Variants in WNT3A observed in about 807,000 individuals in gnomAD.
WNT3A encodes the protein Wnt family member 3A, also known as protein Wnt-3a.
A neutral mutation model predicts 37.0 loss-of-function variants in WNT3A; 17 were observed. The observed-to-expected ratio is 0.46, with a 90% confidence interval of 0.31 to 0.69. WNT3A has a LOEUF of 0.69. Among genes scored for constraint, WNT3A ranks in the 30% least tolerant of loss-of-function variants. The pLI, the probability that WNT3A is intolerant of heterozygous loss-of-function variation, is 0.05. For synonymous variants in WNT3A, 187 were observed against 211.0 expected (o/e 0.89, Z 0.99); for missense variants, 411 against 510.2 (o/e 0.81, Z 1.87).
chr1:228,040,928 T>G (rs1247791264), intron 2 of WNT3A, among the ~76,000 whole-genome samples: 3 of 149,132 alleles, frequency 2.0e-5, no homozygotes, highest in Non-Finnish European at 3.0e-5. Context: ...CCTTCCTGTT[T>G]GATGTTCAAA....
chr1:228,060,104 G>A lies in WNT3A; in HGVS notation c.*639G>A. On this transcript the variant is annotated 3_prime_UTR_variant, in exon 4 of 4. Coordinates refer to ENST00000284523, the MANE Select transcript of WNT3A (RefSeq NM_033131.4). Reference sequence around the variant, plus strand: ...GCATAGGCTCCTTCCTGTGGGTGGGGCTTCTCTGGGACCAGGCTCCAATGG... The same window carrying A: ...GCATAGGCTCCTTCCTGTGGGTGGGACTTCTCTGGGACCAGGCTCCAATGG... 2 of 1,278,156 alleles carry A rather than the reference G, an allele frequency of 1.6e-6. No homozygotes were observed. Among genetic ancestry groups the A allele is most frequent in the Non-Finnish European group, 2.0e-6 (2 of 984,482 alleles). 79.2% of individuals were successfully genotyped at this position (1,278,156 alleles called of 1,614,324 possible).
intron 2 of WNT3A, among the ~76,000 whole-genome samples, chr1:228,028,767 G>A (rs2030917618): frequency 2.0e-5 from 3 of 152,318 alleles, no homozygotes. Flanking sequence ...CCATGAGCAT[G>A]GGATGTGTTT....
At chr1:228,052,419 C>T (rs1485826456) in intron 3 of WNT3A, among the ~76,000 whole-genome samples, 1 of 152,204 alleles carries the variant, frequency 6.6e-6, no homozygotes, top group African/African-American at 2.4e-5. Context: ...GCTGTGATTA[C>T]AGGTGTGAGC....
chr1:228,016,341 A>T (rs1004361795), intron 1 of WNT3A, among the ~76,000 whole-genome samples: 4 of 152,082 alleles, frequency 2.6e-5, no homozygotes, highest in Non-Finnish European at 5.9e-5. Flanking sequence ...TCCCTGTGGC[A>T]CTCACGCTCC....
intron 2 of WNT3A, among the ~76,000 whole-genome samples, chr1:228,025,928 T>C (rs187228768): frequency 3.5e-4 from 53 of 151,566 alleles, no homozygotes; most frequent in Non-Finnish European, 6.6e-4. Flanking sequence ...TTTGTATTTT[T>C]TTTTTTTTTT....
intron 2 of WNT3A, among the ~76,000 whole-genome samples, chr1:228,049,947 T>A (rs777752172): frequency 1.6e-4 from 25 of 151,992 alleles, no homozygotes; most frequent in Non-Finnish European, 3.2e-4. Context: ...CTTGCTAATT[T>A]TAACATTTTT....
intron 1 of WNT3A, among the ~76,000 whole-genome samples, chr1:228,009,124 A>G (rs903028646): frequency 6.6e-6 from 1 of 152,020 alleles, no homozygotes; most frequent in Non-Finnish European, 1.5e-5. Flanking sequence ...CCCCACCACC[A>G]CTTTGTTCTC....
At chr1:228,009,574 G>A (rs894096226) in intron 1 of WNT3A, among the ~76,000 whole-genome samples, 1 of 152,096 alleles carries the variant, frequency 6.6e-6, no homozygotes, top group Non-Finnish European at 1.5e-5. Flanking sequence ...AGCAGGCTGG[G>A]GTGGGGGGCC....
chr1:228,058,849 G>A (rs2031733577), intron 3 of WNT3A, 137 bp from the exon 4 acceptor site: 1 of 881,152 alleles, frequency 1.1e-6, no homozygotes, highest in South Asian at 1.7e-5. Context: ...GTGGCCCTGG[G>A]GCCCTGCCTG....
chr1:228,023,075 G>C (rs554827859), intron 2 of WNT3A, among the ~76,000 whole-genome samples, 167 bp downstream of exon 2: 67 of 152,356 alleles, frequency 4.4e-4, no homozygotes, highest in African/African-American at 1.6e-3. Context: ...GCTGAAGCAG[G>C]ACTGAGCCTG....
At chr1:228,033,825 A>G (rs538321319) in intron 2 of WNT3A, among the ~76,000 whole-genome samples, 20 of 152,210 alleles carry the variant, frequency 1.3e-4, no homozygotes, top group African/African-American at 4.8e-4. Context: ...AATTTCTTTC[A>G]TGACATTTTG....
chr1:228,035,605 G>A (rs764759759), intron 2 of WNT3A, among the ~76,000 whole-genome samples: 9 of 152,344 alleles, frequency 5.9e-5, no homozygotes, highest in South Asian at 4.1e-4. Context: ...GGATCTGAGC[G>A]GTCACTGAGA....
intron 2 of WNT3A, among the ~76,000 whole-genome samples, chr1:228,034,665 C>G (rs2031092696): frequency 6.6e-6 from 1 of 152,288 alleles, no homozygotes. Flanking sequence ...TACCATGCAT[C>G]TCTCAATTCT....
In WNT3A at chr1:228,041,070, T is replaced by C. The variant is rs35920626; in HGVS notation, c.314-9586T>C. On this transcript the variant is annotated intron_variant, in intron 2 of 3. Coordinates refer to ENST00000284523, the MANE Select transcript of WNT3A (RefSeq NM_033131.4). ...CTATCATCTATCTATCATCTATCTATATCTTTTCCTGTCTCAACAAAATAA... is the reference window on the plus strand; with the variant it reads ...CTATCATCTATCTATCATCTATCTACATCTTTTCCTGTCTCAACAAAATAA... Among the ~76,000 whole-genome samples the C allele has an allele frequency of 7.8e-3, 1,183 of 150,998 alleles. 7 individuals are homozygous for C. Among genetic ancestry groups the C allele is most frequent in the South Asian group, 0.012 (59 of 4,774 alleles).
rs2030227161 is a variant in WNT3A at position 228,007,319 on chromosome 1, G to A, written c.71+120G>A. 1 of 967,994 alleles carries A rather than the reference G, an allele frequency of 1.0e-6. No individual in the cohort carries two copies. Among genetic ancestry groups the A allele is most frequent in the Non-Finnish European group, 1.4e-6 (1 of 699,158 alleles). 60.0% of individuals were successfully genotyped at this position (967,994 alleles called of 1,614,324 possible). A position where few individuals can be genotyped will look rare whatever the true frequency, so the allele number is the denominator to read the frequency against. On this transcript the variant is annotated intron_variant, in intron 1 of 3. Transcript: ENST00000284523. This position sits in a 1 kb window ranked among gnomAD's most constrained non-coding sequence, Gnocchi z 6.0. ...GCGCCCTTCTGCTCCAGCCCCGCGT[G>A]CGGGCCGCGGGCGGTTGGTTTTCCT...
chr1:228,035,560 C>T (rs1432538724), intron 2 of WNT3A, among the ~76,000 whole-genome samples: 1 of 152,226 alleles, frequency 6.6e-6, no homozygotes, highest in Non-Finnish European at 1.5e-5. Context: ...GATACCCGGT[C>T]CCCATGTGTG....
chr1:228,026,104 T>C (rs6679928), intron 2 of WNT3A, among the ~76,000 whole-genome samples: 2,231 of 150,048 alleles, frequency 0.015, 69 homozygotes, highest in African/African-American at 0.05. Flanking sequence ...ATTGTTAATA[T>C]ATAGAAATTT....
chr1:228,015,964 C>T (rs1326917928), intron 1 of WNT3A, among the ~76,000 whole-genome samples: 1 of 152,110 alleles, frequency 6.6e-6, no homozygotes, highest in Non-Finnish European at 1.5e-5. Flanking sequence ...CGCCTGAGGC[C>T]ATGAGCAGGC....
chr1:228,046,105 G>A (rs2031397886), intron 2 of WNT3A, among the ~76,000 whole-genome samples: 2 of 152,246 alleles, frequency 1.3e-5, no homozygotes. Context: ...GAACCGGAAA[G>A]AGCCCGAGGG....
Sources: allele counts gnomAD v4.1 joint callset (sites outside exome capture counted in the v4.1 genomes callset), GRCh38; gene constraint gnomAD v4.1.1; non-coding constraint Gnocchi (gnomAD v3.1); transcripts MANE v1.5; gene names NCBI Gene and HGNC (gene_info 2026-07-23, HGNC 2026-07-21).